The following CCDC158 variants were observed in gnomAD, a reference collection of about 807,000 sequenced individuals.
CCDC158 encodes the protein coiled-coil domain-containing protein 158.
CCDC158 carries 116 observed loss-of-function variants against 138.6 expected under a neutral mutation model. The ratio of observed to expected loss-of-function variants is 0.84; its 90% CI spans 0.72 to 0.98. CCDC158 has a LOEUF of 0.98. Among genes scored for constraint, CCDC158 ranks in the 50% least tolerant of loss-of-function variants. The probability of loss-of-function intolerance (pLI) is 0.00; values close to 1 mark genes in which losing one functional copy is unlikely to be tolerated. For synonymous variants in CCDC158, 436 were observed against 442.4 expected, an observed-to-expected ratio of 0.99 and a Z score of 0.18; for missense variants, 1,265 against 1,306.1, an observed-to-expected ratio of 0.97 and a Z score of 0.48.
intron 18 of CCDC158, among the ~76,000 whole-genome samples, chr4:76,344,053 G>A (rs919897388): frequency 6.6e-6 from 1 of 152,316 alleles, no homozygotes; most frequent in African/African-American, 2.4e-5. Flanking sequence ...AGGAAGAGAA[G>A]AAGTGAAATT....
chr4:76,343,184 A>C (rs551538655), intron 18 of CCDC158, among the ~76,000 whole-genome samples: 1 of 152,326 alleles, frequency 6.6e-6, no homozygotes, highest in African/African-American at 2.4e-5. Context: ...CACTCACGTC[A>C]CAGAATTCTG....
chr4:76,329,912 T>C (rs752445202), intron 21 of CCDC158, among the ~76,000 whole-genome samples: 6 of 152,230 alleles, frequency 3.9e-5, no homozygotes, highest in South Asian at 2.1e-4. Flanking sequence ...TATGAGAATC[T>C]AGCTGTATTT....
chr4:76,316,860 T>A (rs1419557569), intron 24 of CCDC158, among the ~76,000 whole-genome samples: 1 of 91,918 alleles, frequency 1.1e-5, no homozygotes, highest in African/African-American at 4.3e-5. Flanking sequence ...CCAGCAAAAC[T>A]AAGCTTCATG....
chr4:76,325,932 A>G lies in CCDC158; in HGVS notation c.3094T>C (p.Ser1032Pro). 1 of 1,613,710 alleles carries G rather than the reference A, an allele frequency of 6.2e-7. No homozygotes were observed. Among genetic ancestry groups the G allele is most frequent in the Non-Finnish European group, 8.5e-7 (1 of 1,179,614 alleles). The change falls in exon 23 of 25, where the codon TCA becomes CCA. Residue 1032 changes from serine (S) to proline (P), a missense_variant. Transcript: ENST00000682701. ...KSPVHSLLTS[S>P]VEGSIGSTSQ... is the part of the protein sequence containing the mutation. The stretch of plus-strand genomic sequence containing the variant: ...GTGGAACCTATTGAACCTTCAACTG[A>G]ACTAGTTAGGAGTGAGTGCACTGGA...
At chr4:76,334,957 T>C (rs1414556694) in intron 18 of CCDC158, among the ~76,000 whole-genome samples, 2 of 152,218 alleles carry the variant, frequency 1.3e-5, no homozygotes, top group African/African-American at 4.8e-5. Flanking sequence ...GTTACTGGTA[T>C]AATATAATTC....
intron 4 of CCDC158, among the ~76,000 whole-genome samples, chr4:76,395,761 G>A (rs1155754): frequency 0.029 from 4,486 of 152,268 alleles, 222 homozygotes; most frequent in African/African-American, 0.1. Context: ...CTTTTAGACT[G>A]TTAACTACTG....
chr4:76,359,904 G>T (rs936897322), intron 13 of CCDC158, among the ~76,000 whole-genome samples: 1 of 152,232 alleles, frequency 6.6e-6, no homozygotes. Context: ...AATGTTCATA[G>T]CTAAGACAAT....
chr4:76,355,197 G>T, intron 15 of CCDC158, 127 bp downstream of exon 15: 2 of 638,146 alleles, frequency 3.1e-6, no homozygotes, highest in South Asian at 2.1e-5. Flanking sequence ...CTTTTCCCTT[G>T]TTCTCTCACC....
intron 4 of CCDC158, among the ~76,000 whole-genome samples, chr4:76,394,529 C>CA (rs200589455): frequency 0.019 from 2,792 of 150,798 alleles, 96 homozygotes; most frequent in African/African-American, 0.064. Flanking sequence ...TTAATGGGTA[C>CA]AAAAAAAATA....
intron 24 of CCDC158, among the ~76,000 whole-genome samples, chr4:76,315,300 TGCC>T (rs1719273281): frequency 2.0e-5 from 3 of 152,156 alleles, no homozygotes; most frequent in African/African-American, 7.2e-5. Flanking sequence ...CACCTAACTC[TGCC>T]CCAACCTGAT....
At chr4:76,390,006 C>A (rs1198917860) in intron 4 of CCDC158, among the ~76,000 whole-genome samples, 1 of 152,056 alleles carries the variant, frequency 6.6e-6, no homozygotes, top group Non-Finnish European at 1.5e-5. Context: ...TATTAATAAG[C>A]AAGAATAAAT....
At chr4:76,380,531 C>G (rs1031167010) in intron 8 of CCDC158, among the ~76,000 whole-genome samples, 1 of 152,184 alleles carries the variant, frequency 6.6e-6, no homozygotes, top group African/African-American at 2.4e-5. Flanking sequence ...TGTCACCTGA[C>G]TGTTTCTGAA....
rs1049326520 is a variant in CCDC158, at chr4:76,326,022, G to A, written c.3011-7C>T. The A allele has an allele frequency of 1.2e-6, 2 of 1,604,574 alleles. No homozygotes were observed. The highest frequency in any genetic ancestry group is 1.7e-5 in the Admixed American group (1 of 57,866). On this transcript the variant is annotated splice_polypyrimidine_tract_variant and splice_region_variant and intron_variant, in intron 22 of 24. Coordinates refer to ENST00000682701, the MANE Select transcript of CCDC158 (RefSeq NM_001394954.1). ...TTTTTCACAGATGGACTTGCTAAAA[G>A]TTTGCAAGAATAAAAGTAAAAGGAC...
intron 1 of CCDC158, among the ~76,000 whole-genome samples, chr4:76,415,160 G>C (rs561439002): frequency 6.6e-6 from 1 of 152,300 alleles, no homozygotes; most frequent in South Asian, 2.1e-4. Flanking sequence ...TTTAAGCATA[G>C]TAAACTCTTG....
intron 24 of CCDC158, among the ~76,000 whole-genome samples, chr4:76,315,761 G>C (rs545227631): frequency 6.6e-6 from 1 of 152,276 alleles, no homozygotes; most frequent in South Asian, 2.1e-4. Context: ...GGTATCCACG[G>C]CTGGGAGACG....
At chr4:76,315,465 C>T (rs556663252) in intron 24 of CCDC158, among the ~76,000 whole-genome samples, 16 of 152,162 alleles carry the variant, frequency 1.1e-4, no homozygotes, top group Non-Finnish European at 1.8e-4. Context: ...TAGCTTGTGC[C>T]GTCTTGAAAG....
chr4:76,371,613 C>G (rs1579004330), intron 9 of CCDC158, 77 bp from the exon 10 acceptor site: 2 of 1,522,752 alleles, frequency 1.3e-6, no homozygotes, highest in Admixed American at 3.6e-5. Context: ...CTTTGGAAAA[C>G]AAATGGTATT....
intron 18 of CCDC158, chr4:76,345,025 TAATTATTAC>T (rs1722407517): frequency 7.2e-7 from 1 of 1,384,732 alleles, no homozygotes; most frequent in African/African-American, 1.4e-5. Flanking sequence ...ACTTCCTTAC[TAATTATTAC>T]AATAGGATCA....
chr4:76,409,354 ACT>A (rs1560485147), intron 2 of CCDC158, among the ~76,000 whole-genome samples: 5 of 151,628 alleles, frequency 3.3e-5, no homozygotes, highest in Non-Finnish European at 7.4e-5. Flanking sequence ...TAAAAAAAAA[ACT>A]CTGCACTTGG....
Sources: allele counts gnomAD v4.1 joint callset (sites outside exome capture counted in the v4.1 genomes callset), GRCh38; gene constraint gnomAD v4.1.1; transcripts MANE v1.5; gene names NCBI Gene and HGNC (gene_info 2026-07-23, HGNC 2026-07-21).